The following FAM185A variants were observed in gnomAD, a reference collection of about 807,000 sequenced individuals.
FAM185A encodes protein FAM185A.
A neutral mutation model predicts 45.7 loss-of-function variants in FAM185A; 21 were observed. That is an observed-to-expected ratio of 0.46 (90% CI 0.33 to 0.66). FAM185A has a LOEUF of 0.66. Ranked by LOEUF, FAM185A falls within the 30% of genes least tolerant of loss-of-function variation. The pLI, the probability that FAM185A is intolerant of heterozygous loss-of-function variation, is 0.03. For missense variants in FAM185A, 305 were observed against 485.4 expected, an observed-to-expected ratio of 0.63 and a Z score of 3.49; for synonymous variants, 117 against 194.0, an observed-to-expected ratio of 0.60 and a Z score of 3.30.
At chr7:102,827,144 C>A in the FAM185A span, 1 of 455,114 alleles carries the variant, frequency 2.2e-6, no homozygotes, top group Non-Finnish European at 4.4e-6. Flanking sequence ...TGCCTTGCAG[C>A]TTCTACCTTT....
chr7:102,819,328 C>T, the FAM185A span, among the ~76,000 whole-genome samples: 6 of 152,210 alleles, frequency 3.9e-5, no homozygotes, highest in South Asian at 2.1e-4. Context: ...TGCATCCACA[C>T]GGTGCTTCTG....
intron 7 of FAM185A, among the ~76,000 whole-genome samples, chr7:102,807,738 C>A (rs1055667750): frequency 4.1e-5 from 6 of 147,624 alleles, no homozygotes; most frequent in African/African-American, 1.5e-4. Context: ...ATGGTGAAAC[C>A]CCGTCTCCAC....
chr7:102,779,097 G>C (rs1413602400), intron 6 of FAM185A, among the ~76,000 whole-genome samples: 1 of 152,066 alleles, frequency 6.6e-6, no homozygotes, highest in Non-Finnish European at 1.5e-5. Flanking sequence ...TTTTGTCCTT[G>C]GGAAAATCAC....
the FAM185A span, among the ~76,000 whole-genome samples, chr7:102,838,774 C>T: frequency 7.9e-5 from 12 of 152,236 alleles, no homozygotes; most frequent in East Asian, 1.9e-4. Flanking sequence ...TCTGCAGTCT[C>T]GATAAACCAG....
At chr7:102,750,022 A>G (rs1477882046) in intron 1 of FAM185A, among the ~76,000 whole-genome samples, 2 of 152,176 alleles carry the variant, frequency 1.3e-5, no homozygotes, top group Non-Finnish European at 2.9e-5. Context: ...GTCCATCTAC[A>G]TTTCATCTTG....
intron 5 of FAM185A, among the ~76,000 whole-genome samples, 179 bp downstream of exon 5, chr7:102,772,629 C>T (rs1378855648): frequency 6.6e-6 from 1 of 151,062 alleles, no homozygotes; most frequent in East Asian, 1.9e-4. Flanking sequence ...ATCGCCTGAG[C>T]TGGTATTAAG....
intron 6 of FAM185A, among the ~76,000 whole-genome samples, chr7:102,783,136 C>A (rs1446422949): frequency 6.6e-6 from 1 of 151,170 alleles, no homozygotes; most frequent in Non-Finnish European, 1.5e-5. Flanking sequence ...ACAGGAGCAC[C>A]CAGATTCATA....
At chr7:102,805,424 T>A (rs6964265) in intron 7 of FAM185A, among the ~76,000 whole-genome samples, 3,129 of 151,766 alleles carry the variant, frequency 0.021, 116 homozygotes, top group African/African-American at 0.072. Context: ...GTGAAGTAAC[T>A]CAGGAATGGA....
chr7:102,820,418 G>A, the FAM185A span, among the ~76,000 whole-genome samples: 5 of 152,172 alleles, frequency 3.3e-5, no homozygotes, highest in Non-Finnish European at 7.3e-5. Context: ...TGGGGTTTTG[G>A]GACAAAGCTC....
intron 5 of FAM185A, among the ~76,000 whole-genome samples, chr7:102,772,869 T>C (rs1794841240): frequency 6.6e-6 from 1 of 151,722 alleles, no homozygotes; most frequent in Admixed American, 6.6e-5. Flanking sequence ...ACCTGCCATG[T>C]ATTAAGAATT....
At chr7:102,822,100 A>G in the FAM185A span, 1 of 1,614,232 alleles carries the variant, frequency 6.2e-7, no homozygotes, top group South Asian at 1.1e-5. Context: ...GCCTATCTGA[A>G]GGTCCTCAAG....
chr7:102,839,169 CA>C, the FAM185A span, among the ~76,000 whole-genome samples: 2 of 152,206 alleles, frequency 1.3e-5, no homozygotes, highest in Non-Finnish European at 2.9e-5. Context: ...TGGAGAGAAG[CA>C]AAAATCTGGC....
chr7:102,824,719 C>A, the FAM185A span, among the ~76,000 whole-genome samples: 1 of 151,456 alleles, frequency 6.6e-6, no homozygotes, highest in African/African-American at 2.4e-5. Flanking sequence ...CTGATGACCT[C>A]AAGTGATCCG....
At chr7:102,816,612 C>G in the FAM185A span, among the ~76,000 whole-genome samples, 2 of 152,074 alleles carry the variant, frequency 1.3e-5, no homozygotes, top group Non-Finnish European at 2.9e-5. Context: ...TGCACACACG[C>G]ACCTTTAAAA....
At chr7:102,827,213 A>C in the FAM185A span, 3 of 446,844 alleles carry the variant, frequency 6.7e-6, no homozygotes, top group South Asian at 4.7e-5. Flanking sequence ...AGCTTGCTGG[A>C]GGATGAGACC....
At chr7:102,837,439 T>C in the FAM185A span, among the ~76,000 whole-genome samples, 1 of 152,228 alleles carries the variant, frequency 6.6e-6, no homozygotes, top group Non-Finnish European at 1.5e-5. Flanking sequence ...TGAAATTTGT[T>C]ATAAAATTAG....
Position 102,808,476 on chromosome 7 carries a change from C to A in FAM185A, c.*74C>A. ...GTGACTACAAAAATGTAAATCCCAC[C>A]ATTCATATAAAGGTTGAAAACAACA... On this transcript the variant is annotated 3_prime_UTR_variant, in exon 8 of 8. Transcript: ENST00000413034. The A allele has an allele frequency of 1.1e-6, 1 of 924,132 alleles. No individual in the cohort carries two copies. The highest frequency in any genetic ancestry group is 1.7e-6 in the Non-Finnish European group (1 of 582,604). 57.2% of individuals were successfully genotyped at this position (924,132 alleles called of 1,614,324 possible).
the FAM185A span, among the ~76,000 whole-genome samples, chr7:102,834,878 A>ATGTGTGTG: frequency 5.3e-4 from 78 of 147,164 alleles, no homozygotes; most frequent in African/African-American, 1.0e-3. Context: ...CCATTCCACA[A>ATGTGTGTG]TGTGTGTGTG....
intron 4 of FAM185A, among the ~76,000 whole-genome samples, chr7:102,771,598 GTTTA>G (rs1794746172): frequency 6.6e-6 from 1 of 151,866 alleles, no homozygotes; most frequent in African/African-American, 2.4e-5. Flanking sequence ...GATAAAATGA[GTTTA>G]CTGAAGATTA....
Sources: gnomAD v4.1 joint callset for allele counts (sites outside exome capture counted in the v4.1 genomes callset) on GRCh38, gnomAD v4.1.1 for gene constraint, MANE v1.5 for transcripts, NCBI Gene and HGNC (gene_info 2026-07-23, HGNC 2026-07-21) for gene names.